Variants in NEK10 observed in about 807,000 individuals in gnomAD.
NEK10 encodes the protein NIMA related kinase 10, also known as serine/threonine-protein kinase Nek10.
NEK10 carries 122 observed loss-of-function variants against 159.8 expected under a neutral mutation model. That is an observed-to-expected ratio of 0.76 (90% CI 0.66 to 0.89). NEK10 has a LOEUF of 0.89. NEK10 is among the 40% of genes least tolerant of loss of function. The pLI is 0.00. For missense variants in NEK10, 1,342 were observed against 1,323.1 expected (o/e 1.01, Z -0.22); for synonymous variants, 466 against 457.1 (o/e 1.02, Z -0.25).
chr3:27,330,246 T>A (rs1303842613), intron 5 of NEK10, among the ~76,000 whole-genome samples: 1 of 152,092 alleles, frequency 6.6e-6, no homozygotes, highest in Non-Finnish European at 1.5e-5. Context: ...TTGCTCCAAG[T>A]TAGGTGATGG....
intron 31 of NEK10, among the ~76,000 whole-genome samples, chr3:27,137,702 A>G (rs968759435): frequency 6.6e-6 from 1 of 152,218 alleles, no homozygotes; most frequent in African/African-American, 2.4e-5. Context: ...GCTTGACAGC[A>G]GAAAATAGAA....
At chr3:27,254,404 T>G (rs1430434853) in intron 23 of NEK10, among the ~76,000 whole-genome samples, 2 of 152,188 alleles carry the variant, frequency 1.3e-5, no homozygotes, top group Admixed American at 6.5e-5. Flanking sequence ...ACTCTCCTAA[T>G]AGTGTTTCCT....
intron 23 of NEK10, among the ~76,000 whole-genome samples, chr3:27,229,549 T>C (rs979429030): frequency 6.6e-6 from 1 of 152,068 alleles, no homozygotes; most frequent in Non-Finnish European, 1.5e-5. Context: ...GATAAAGAAT[T>C]CAGAAGGTTG....
intron 16 of NEK10, 32 bp downstream of exon 16, chr3:27,293,556 T>C (rs148278544): frequency 4.7e-5 from 56 of 1,181,468 alleles, no homozygotes; most frequent in Non-Finnish European, 5.8e-5. Flanking sequence ...CTCCTAAACC[T>C]AATGATCACT....
At chr3:27,355,100 A>G (rs2048240238) in intron 1 of NEK10, among the ~76,000 whole-genome samples, 1 of 152,182 alleles carries the variant, frequency 6.6e-6, no homozygotes, top group South Asian at 2.1e-4. Context: ...TAATGAAGGT[A>G]AAGGATCTTT....
In NEK10 at chr3:27,285,762, C is replaced by CAA. The variant is rs549386571; in HGVS notation, c.1790-803_1790-802dup. On this transcript the variant is annotated intron_variant, in intron 20 of 35. Coordinates refer to ENST00000691995, the MANE Select transcript of NEK10 (RefSeq NM_001394966.1). Reference sequence around the variant, plus strand: ...AAAATATGTGTGTAGAAAATGTTGACAAAAATGGAATCATGTTCTGTAATT... The same window carrying CAA: ...AAAATATGTGTGTAGAAAATGTTGACAAAAAAATGGAATCATGTTCTGTAATT... Among the ~76,000 whole-genome samples the CAA allele has an allele frequency of 2.4e-4, 37 of 152,166 alleles. No individual in the cohort carries two copies. The East Asian group carries it at 6.6e-3, about 27-fold the overall frequency.
intron 13 of NEK10, 65 bp downstream of exon 13, chr3:27,301,631 C>G (rs896602430): frequency 1.6e-6 from 2 of 1,286,718 alleles, no homozygotes; most frequent in Non-Finnish European, 2.2e-6. Context: ...CTACACTAAT[C>G]TATGATAGTG....
At chr3:27,179,886 G>C (rs1212722378) in intron 26 of NEK10, among the ~76,000 whole-genome samples, 2 of 152,170 alleles carry the variant, frequency 1.3e-5, no homozygotes, top group Non-Finnish European at 2.9e-5. Flanking sequence ...TTTGAGACCA[G>C]TCTGGCCAAC....
chr3:27,259,038 T>A (rs2040152843), intron 22 of NEK10, among the ~76,000 whole-genome samples: 1 of 151,894 alleles, frequency 6.6e-6, no homozygotes, highest in Non-Finnish European at 1.5e-5. Flanking sequence ...TGTCTGTTTA[T>A]ATCCTTCACC....
At chr3:27,260,828 T>G (rs1457029085) in intron 22 of NEK10, among the ~76,000 whole-genome samples, 1 of 152,150 alleles carries the variant, frequency 6.6e-6, no homozygotes, top group East Asian at 1.9e-4. Context: ...CTGGTAGAAT[T>G]CGGCTGTGAA....
At chr3:27,266,422 T>C (rs1352475058) in intron 22 of NEK10, among the ~76,000 whole-genome samples, 1 of 152,180 alleles carries the variant, frequency 6.6e-6, no homozygotes, top group Non-Finnish European at 1.5e-5. Context: ...TCCTGCACCA[T>C]TTGTTGGAAA....
intron 5 of NEK10, among the ~76,000 whole-genome samples, chr3:27,324,857 G>A (rs1297043542): frequency 6.6e-6 from 1 of 152,008 alleles, no homozygotes; most frequent in Non-Finnish European, 1.5e-5. Flanking sequence ...TTACACCTCT[G>A]GCCTCATGTC....
chr3:27,174,664 T>G lies in NEK10; in HGVS notation c.2675A>C (p.Glu892Ala). Reference protein sequence around the residue: ...EILSDDNFNLENAEKDTYSEV... With the variant: ...EILSDDNFNLANAEKDTYSEV... ...ACTAGCAGTACCTTTCTCAGCATTT[T>G]CCAGGTTGAAGTTATCATCTGACAG... Residue 892 changes from glutamate to alanine, a missense_variant, in exon 27 of 36, where the codon GAA (glutamate) becomes GCA (alanine). Physicochemically the swap from Glu to Ala is moderately radical, Grantham distance 107 (BLOSUM62 -1). Transcript: ENST00000691995. The G allele has an allele frequency of 6.2e-7, 1 of 1,610,242 alleles. No homozygotes were observed. The highest frequency in any genetic ancestry group is 8.5e-7 in the Non-Finnish European group (1 of 1,178,704).
At chr3:27,124,203 G>T (rs555133786) in intron 32 of NEK10, among the ~76,000 whole-genome samples, 3 of 152,064 alleles carry the variant, frequency 2.0e-5, no homozygotes, top group Non-Finnish European at 4.4e-5. Flanking sequence ...CAGAAAACAG[G>T]AATCTACTAA....
chr3:27,148,305 A>G (rs761619808), intron 30 of NEK10, among the ~76,000 whole-genome samples: 7 of 152,198 alleles, frequency 4.6e-5, no homozygotes, highest in Non-Finnish European at 8.8e-5. Context: ...TCAATGATTA[A>G]TACTCCCTTA....
chr3:27,162,290 AT>A, intron 30 of NEK10: 1 of 1,204,666 alleles, frequency 8.3e-7, no homozygotes, highest in Non-Finnish European at 1.1e-6. Flanking sequence ...CACAGAAGGC[AT>A]TTTGTTACCA....
At chr3:27,238,650 TA>T (rs200821020) in intron 23 of NEK10, among the ~76,000 whole-genome samples, 1,787 of 152,148 alleles carry the variant, frequency 0.012, 17 homozygotes, top group African/African-American at 0.023. Flanking sequence ...ATTGGTAACC[TA>T]TTTTTTTATT....
intron 26 of NEK10, 36 bp downstream of exon 26, chr3:27,191,993 A>C (rs1559581461): frequency 1.3e-6 from 2 of 1,572,352 alleles, no homozygotes; most frequent in Non-Finnish European, 1.8e-6. Flanking sequence ...AGCCCATTAG[A>C]GTGCATCATG....
chr3:27,120,621 C>T (rs913601590), intron 32 of NEK10, among the ~76,000 whole-genome samples: 11 of 152,178 alleles, frequency 7.2e-5, no homozygotes, highest in East Asian at 1.9e-4. Flanking sequence ...TAAGCCACCG[C>T]GCCTGGCCAA....
Sources: allele counts gnomAD v4.1 joint callset (sites outside exome capture counted in the v4.1 genomes callset), GRCh38; gene constraint gnomAD v4.1.1; transcripts MANE v1.5; gene names NCBI Gene and HGNC (gene_info 2026-07-23, HGNC 2026-07-21).